The following FOXP2 variants were observed in gnomAD, a reference collection of about 807,000 sequenced individuals.
The protein encoded by FOXP2 is forkhead box P2.
Under a neutral mutation model 115.8 loss-of-function variants are expected in FOXP2, and 12 were observed. The ratio of observed to expected loss-of-function variants is 0.10; its 90% CI spans 0.07 to 0.17. The LOEUF (loss-of-function observed/expected upper bound fraction) is 0.17, where lower values mean the gene tolerates loss of function less well. Ranked by LOEUF, FOXP2 falls within the 10% of genes least tolerant of loss-of-function variation. The pLI is 1.00. For missense variants in FOXP2, 629 were observed against 843.5 expected (o/e 0.75, Z 3.15); for synonymous variants, 328 against 297.7 (o/e 1.10, Z -1.05).
chr7:114,370,160 G>GT (rs1214477849), intron 2 of FOXP2, among the ~76,000 whole-genome samples: 3 of 152,136 alleles, frequency 2.0e-5, no homozygotes, highest in African/African-American at 7.2e-5. Context: ...GTCTCAGATG[G>GT]TTTTTTCCCC....
chr7:114,209,667 G>T (rs1029486648), intron 1 of FOXP2, among the ~76,000 whole-genome samples: 2 of 152,106 alleles, frequency 1.3e-5, no homozygotes, highest in African/African-American at 2.4e-5. Flanking sequence ...GGGGTTCTCT[G>T]CATTTCCTGA....
rs552230197 is a variant in FOXP2, at chr7:114,492,661, C to G, written c.169-41956C>G. Among the ~76,000 whole-genome samples, 489 of 152,202 alleles carry G rather than the reference C, an allele frequency of 3.2e-3. 4 individuals are homozygous for G. The highest frequency in any genetic ancestry group is 0.011 in the African/African-American group (476 of 41,542). ...AACATCTTTATTTTTGCCTTCATTT[C>G]GTTATGTACCCAGTAGTCATTCAGG... is the stretch of plus-strand genomic sequence containing the variant. On this transcript the variant is annotated intron_variant, in intron 2 of 16. Coordinates refer to ENST00000350908, the MANE Select transcript of FOXP2 (RefSeq NM_014491.4).
At chr7:114,267,153 T>C (rs945181738) in intron 1 of FOXP2, among the ~76,000 whole-genome samples, 5 of 152,152 alleles carry the variant, frequency 3.3e-5, no homozygotes, top group African/African-American at 1.2e-4. Flanking sequence ...CTATAGAGCA[T>C]GTACCCTGTA....
chr7:114,264,514 T>C (rs551770431), intron 1 of FOXP2, among the ~76,000 whole-genome samples: 2 of 152,334 alleles, frequency 1.3e-5, no homozygotes, highest in East Asian at 3.9e-4. Flanking sequence ...CATCAAGCCT[T>C]TCCTGATCTT....
chr7:114,322,477 A>G (rs1434256604), intron 2 of FOXP2, among the ~76,000 whole-genome samples: 2 of 152,074 alleles, frequency 1.3e-5, no homozygotes, highest in Admixed American at 1.3e-4. Flanking sequence ...TCTCTACAAA[A>G]CATTAATATA....
chr7:114,692,185 C>T lies in FOXP2; in HGVS notation c.*2259C>T, dbSNP rs1487914801. The T allele has an allele frequency of 4.4e-6, 2 of 453,812 alleles. No individual in the cohort carries two copies. Among genetic ancestry groups the T allele is most frequent in the South Asian group, 3.1e-5 (2 of 64,470 alleles). 28.1% of individuals were successfully genotyped at this position (453,812 alleles called of 1,614,324 possible). A position where few individuals can be genotyped will look rare whatever the true frequency, so the allele number is the denominator to read the frequency against. On this transcript the variant is annotated 3_prime_UTR_variant, in exon 17 of 17. Transcript: ENST00000350908. Reference sequence around the variant, plus strand: ...GTCTTTCAGGTGCATGTTCAAAAGGCTTTGAGGGACTGGAAGTAACTGCGA... The same window carrying T: ...GTCTTTCAGGTGCATGTTCAAAAGGTTTTGAGGGACTGGAAGTAACTGCGA...
chr7:114,691,860 A>G lies in FOXP2; in HGVS notation c.*1934A>G, dbSNP rs1470093630. The G allele has an allele frequency of 4.4e-6, 2 of 453,830 alleles. No homozygotes were observed. The highest frequency in any genetic ancestry group is 4.4e-6 in the Non-Finnish European group (1 of 226,610). The allele number at this position is 453,830 out of a possible 1,614,324, so 28.1% of individuals were successfully genotyped here. ...CCCAGTCATCTATCACACCAAATAA[A>G]AGGACATAACGGCTTTCAAAAGGGT... On this transcript the variant is annotated 3_prime_UTR_variant, in exon 17 of 17. Coordinates refer to ENST00000350908, the MANE Select transcript of FOXP2 (RefSeq NM_014491.4).
intron 1 of FOXP2, among the ~76,000 whole-genome samples, chr7:114,272,651 T>C (rs531496738): frequency 6.6e-6 from 1 of 152,036 alleles, no homozygotes; most frequent in East Asian, 1.9e-4. Flanking sequence ...GTATTAAATT[T>C]CTGGGCATAG....
At chr7:114,263,007 C>T (rs1051065336) in intron 1 of FOXP2, among the ~76,000 whole-genome samples, 2 of 152,184 alleles carry the variant, frequency 1.3e-5, no homozygotes, top group Non-Finnish European at 2.9e-5. Context: ...TCTTAGCTAA[C>T]CTTTTTCCTT....
intron 1 of FOXP2, among the ~76,000 whole-genome samples, chr7:114,191,777 C>A (rs971018362): frequency 1.3e-5 from 2 of 152,090 alleles, no homozygotes; most frequent in Non-Finnish European, 2.9e-5. Flanking sequence ...GTATTATTAG[C>A]CAAAATCCAG....
At chr7:114,136,750 A>G (rs551704119) in intron 1 of FOXP2, among the ~76,000 whole-genome samples, 45 of 152,082 alleles carry the variant, frequency 3.0e-4, no homozygotes, top group African/African-American at 1.1e-3. Flanking sequence ...ATCTGTTACA[A>G]TGAATTATTC....
Position 114,691,674 on chromosome 7 carries a change from C to T in FOXP2, c.*1748C>T, listed in dbSNP as rs772597549. ...AATACTTTTTCCCCCAACCAAGGGA[C>T]CTCATAACCTGATTATGGTTATTGC... On this transcript the variant is annotated 3_prime_UTR_variant, in exon 17 of 17. Coordinates refer to ENST00000350908, the MANE Select transcript of FOXP2 (RefSeq NM_014491.4). 1.5e-5 allele frequency: 7 copies of T among 453,894 alleles called. No individual in the cohort carries two copies. The highest frequency in any genetic ancestry group is 3.1e-5 in the Non-Finnish European group (7 of 226,736). The allele number at this position is 453,894 out of a possible 1,614,324, so 28.1% of individuals were successfully genotyped here.
At chr7:114,605,877 T>C (rs1364517344) in intron 3 of FOXP2, among the ~76,000 whole-genome samples, 3 of 152,144 alleles carry the variant, frequency 2.0e-5, no homozygotes, top group African/African-American at 7.2e-5. Flanking sequence ...TTGACAAGGG[T>C]AGTGGCCTAA....
chr7:114,452,029 C>G (rs190464528), intron 2 of FOXP2, among the ~76,000 whole-genome samples: 1 of 151,928 alleles, frequency 6.6e-6, no homozygotes, highest in African/African-American at 2.4e-5. Context: ...CTTTTCTAAC[C>G]CCATAGATCA....
At chr7:114,167,192 C>A (rs892678747) in intron 1 of FOXP2, among the ~76,000 whole-genome samples, 10 of 152,152 alleles carry the variant, frequency 6.6e-5, no homozygotes, top group Admixed American at 4.6e-4. Flanking sequence ...AGATGTCTTT[C>A]AGTAGGTTAA....
At position 114,464,688 on chromosome 7, in the gene FOXP2, A is replaced by G. The variant is rs139110252; in HGVS notation, c.168+38009A>G. ...TTTGTTTCAGTGGCTTACATTTGCG[A>G]TGAGCAAGCACCTTTGCATAAAAAG... On this transcript the variant is annotated intron_variant, in intron 2 of 16. Coordinates refer to ENST00000350908, the MANE Select transcript of FOXP2 (RefSeq NM_014491.4). Among the ~76,000 whole-genome samples, 8 of 152,336 alleles carry G rather than the reference A, an allele frequency of 5.3e-5. No individual in the cohort carries two copies. The East Asian group carries it at 1.3e-3, about 26-fold the overall frequency.
intron 2 of FOXP2, among the ~76,000 whole-genome samples, chr7:114,383,672 C>T (rs563338984): frequency 1.3e-5 from 2 of 152,240 alleles, no homozygotes; most frequent in Admixed American, 6.5e-5. Context: ...GATATCGTGG[C>T]CAGGCGGTAC....
intron 1 of FOXP2, among the ~76,000 whole-genome samples, chr7:114,262,983 C>T (rs879724686): frequency 1.3e-5 from 2 of 152,188 alleles, no homozygotes; most frequent in Non-Finnish European, 2.9e-5. Flanking sequence ...CTCTTATCCA[C>T]TAATTCCCTA....
chr7:114,626,722 A>G (rs1804613975), intron 3 of FOXP2, among the ~76,000 whole-genome samples: 1 of 149,890 alleles, frequency 6.7e-6, no homozygotes, highest in Admixed American at 6.6e-5. Flanking sequence ...AAGAAAAGAC[A>G]TTTTTGTAGA....
Sources: gnomAD v4.1 joint callset for allele counts (sites outside exome capture counted in the v4.1 genomes callset) on GRCh38, gnomAD v4.1.1 for gene constraint, MANE v1.5 for transcripts, NCBI Gene and HGNC (gene_info 2026-07-23, HGNC 2026-07-21) for gene names.